The following RASSF8 variants were observed in gnomAD, a reference collection of about 807,000 sequenced individuals.
RASSF8 encodes ras association domain-containing protein 8.
RASSF8 carries 22 observed loss-of-function variants against 48.5 expected under a neutral mutation model. The observed-to-expected ratio is 0.45, with a 90% CI of 0.32 to 0.65. RASSF8 has a LOEUF of 0.65. Ranked by LOEUF, RASSF8 falls within the 30% of genes least tolerant of loss-of-function variation. The probability of loss-of-function intolerance (pLI) is 0.03; values close to 1 mark genes in which losing one functional copy is unlikely to be tolerated. For missense variants in RASSF8, 418 were observed against 489.2 expected (o/e 0.85, Z 1.37); for synonymous variants, 127 against 171.5 (o/e 0.74, Z 2.03).
At chr12:25,963,674 C>T (rs576408676) in intron 1 of RASSF8, among the ~76,000 whole-genome samples, 1 of 152,238 alleles carries the variant, frequency 6.6e-6, no homozygotes, top group African/African-American at 2.4e-5. Flanking sequence ...CAGTCCACCT[C>T]GGGGGTTCCC....
At chr12:25,995,976 C>T (rs1473052871) in intron 2 of RASSF8, among the ~76,000 whole-genome samples, 1 of 152,068 alleles carries the variant, frequency 6.6e-6, no homozygotes, top group Non-Finnish European at 1.5e-5. Context: ...AACTGATTTC[C>T]CCCTGAAATA....
intron 2 of RASSF8, among the ~76,000 whole-genome samples, chr12:26,051,828 A>G (rs991282583): frequency 6.6e-6 from 1 of 152,224 alleles, no homozygotes. Context: ...CGTTGAACCC[A>G]CACCCAACAG....
intron 2 of RASSF8, among the ~76,000 whole-genome samples, chr12:26,000,518 C>T (rs1942229886): frequency 6.6e-6 from 1 of 151,960 alleles, no homozygotes; most frequent in Non-Finnish European, 1.5e-5. Flanking sequence ...TATATAATTA[C>T]ATTGGTAATA....
chr12:26,011,868 T>G (rs559694943), intron 2 of RASSF8: 1 of 152,332 alleles, frequency 6.6e-6, no homozygotes, highest in African/African-American at 2.4e-5. Context: ...GTTTATGGTA[T>G]TTATTATATT....
At chr12:26,078,993 A>G in intron 5 of RASSF8, 2 of 1,523,290 alleles carry the variant, frequency 1.3e-6, no homozygotes, top group South Asian at 1.3e-5. Flanking sequence ...ACCAACCTTA[A>G]CTCTTTTTTG....
intron 2 of RASSF8, among the ~76,000 whole-genome samples, chr12:26,038,952 T>C (rs1471556893): frequency 6.6e-6 from 1 of 152,244 alleles, no homozygotes; most frequent in Non-Finnish European, 1.5e-5. Flanking sequence ...CTTATTTTTC[T>C]AGAAAATGTT....
chr12:26,001,403 G>A (rs1361363344), intron 2 of RASSF8, among the ~76,000 whole-genome samples: 4 of 151,656 alleles, frequency 2.6e-5, no homozygotes, highest in Non-Finnish European at 5.9e-5. Context: ...ATTAACCTTA[G>A]CTTACTATAT....
At chr12:25,983,353 G>A (rs1330437614) in intron 1 of RASSF8, among the ~76,000 whole-genome samples, 2 of 152,182 alleles carry the variant, frequency 1.3e-5, no homozygotes, top group African/African-American at 4.8e-5. Context: ...CAAGAATTAA[G>A]CAACTGGAAG....
At chr12:26,075,234 A>T (rs1046941252), downstream of RASSF8, among the ~76,000 whole-genome samples, 19 of 152,336 alleles carry the variant, frequency 1.2e-4, no homozygotes, top group African/African-American at 4.6e-4. Flanking sequence ...ACAGCCTTAA[A>T]GGGTGGTGGA....
At chr12:26,052,734 T>C (rs756644192) in intron 2 of RASSF8, 6 of 152,200 alleles carry the variant, frequency 3.9e-5, no homozygotes, top group Non-Finnish European at 7.3e-5. Flanking sequence ...TTTCCAGATA[T>C]TGGATCATGT....
chr12:26,040,510 C>T (rs750312785), intron 2 of RASSF8, among the ~76,000 whole-genome samples: 4 of 152,136 alleles, frequency 2.6e-5, no homozygotes, highest in Non-Finnish European at 4.4e-5. Flanking sequence ...TTTTTTCTGA[C>T]GGGCTTGTGC....
chr12:26,015,864 A>G lies in RASSF8; in HGVS notation c.-109+20734A>G, dbSNP rs140496292. On this transcript the variant is annotated intron_variant, in intron 2 of 5. Transcript: ENST00000689635. ...CTTTTTTCTTTATTGATAAGAATAA[A>G]GCTGTGCATACTTTAAGAACACAAG... 3.3e-5 allele frequency among the ~76,000 whole-genome samples: 5 copies of G among 152,252 alleles called. No homozygotes were observed. The East Asian group carries it at 9.7e-4, about 29-fold the overall frequency.
At chr12:26,005,593 A>C (rs1029970034) in intron 2 of RASSF8, among the ~76,000 whole-genome samples, 1 of 152,204 alleles carries the variant, frequency 6.6e-6, no homozygotes, top group Non-Finnish European at 1.5e-5. Flanking sequence ...AATTTTGCAA[A>C]GGCTATTTCT....
At chr12:25,960,451 T>C (rs1941203933) in intron 1 of RASSF8, among the ~76,000 whole-genome samples, 1 of 152,100 alleles carries the variant, frequency 6.6e-6, no homozygotes, top group Non-Finnish European at 1.5e-5. Flanking sequence ...GGGAAGTGGT[T>C]TGTGTGAGTT....
At chr12:26,023,497 A>G (rs1305186462) in intron 2 of RASSF8, among the ~76,000 whole-genome samples, 4 of 152,216 alleles carry the variant, frequency 2.6e-5, no homozygotes, top group Non-Finnish European at 5.9e-5. Context: ...AAAAAGCTGA[A>G]AAAGAATTTT....
intron 5 of RASSF8, chr12:26,078,917 GA>G: frequency 1.0e-6 from 1 of 962,192 alleles, no homozygotes; most frequent in African/African-American, 1.7e-5. Context: ...GGCGCTAACC[GA>G]AAAGACAAAG....
At chr12:25,966,174 C>T (rs1009712404) in intron 1 of RASSF8, among the ~76,000 whole-genome samples, 1 of 152,174 alleles carries the variant, frequency 6.6e-6, no homozygotes, top group Non-Finnish European at 1.5e-5. Context: ...CATGCTGTTT[C>T]CTTTGCATCC....
At position 26,068,958 on chromosome 12, in the gene RASSF8, G is replaced by A. The variant is rs887018259; in HGVS notation, c.*140G>A. The A allele has an allele frequency of 4.2e-6, 6 of 1,431,460 alleles. No homozygotes were observed. The South Asian group carries it at 7.3e-5, about 17-fold the overall frequency. 88.7% of individuals were successfully genotyped at this position (1,431,460 alleles called of 1,614,324 possible). A position where few individuals can be genotyped will look rare whatever the true frequency, so the allele number is the denominator to read the frequency against. On this transcript the variant is annotated 3_prime_UTR_variant, in exon 6 of 6. Transcript: ENST00000689635. ...TTCTCTCCTAAATTGCATACCACTT[G>A]GAGCCATACCCTGTGCACTGATGCT...
rs112723456 is a variant in RASSF8 at position 26,024,240 on chromosome 12, A to G, written c.-109+29110A>G. ...GGTCTTGAACTCCTGGCCTCAAGCA[A>G]TCTTCCCACCCCAGCCTCCCCAAAT... On this transcript the variant is annotated intron_variant, in intron 2 of 5. Transcript: ENST00000689635. Among the ~76,000 whole-genome samples the G allele has an allele frequency of 8.5e-5, 13 of 152,194 alleles. 1 individual carries two copies. The highest frequency in any genetic ancestry group is 3.4e-3 in the Middle Eastern group (1 of 294).
Sources: gnomAD v4.1 joint callset for allele counts (sites outside exome capture counted in the v4.1 genomes callset) on GRCh38, gnomAD v4.1.1 for gene constraint, MANE v1.5 for transcripts, NCBI Gene and HGNC (gene_info 2026-07-23, HGNC 2026-07-21) for gene names.